The following RASSF1 variants were observed in gnomAD, a reference collection of about 807,000 sequenced individuals.
RASSF1 encodes ras association domain-containing protein 1.
Under a neutral mutation model 34.3 loss-of-function variants are expected in RASSF1, and 33 were observed. The observed-to-expected ratio is 0.96, with a 90% CI of 0.73 to 1.29. The LOEUF is 1.29. RASSF1 is among the 50% of genes most tolerant of loss of function. The pLI is 0.00. For missense variants in RASSF1, 445 were observed against 471.8 expected, an observed-to-expected ratio of 0.94 and a Z score of 0.53; for synonymous variants, 191 against 195.0, an observed-to-expected ratio of 0.98 and a Z score of 0.17.
At position 50,331,568 on chromosome 3, in the gene RASSF1, G is replaced by C; in HGVS notation, c.751C>G (p.His251Asp). The change falls in exon 4 of 6, where the codon CAC (histidine) becomes GAC (aspartate). Residue 251 changes from histidine to aspartate, a missense_variant. Transcript: ENST00000359365. ...KFALFERAER[H>D]GQVYLRKLLD... is the part of the protein sequence containing the mutation. The stretch of plus-strand genomic sequence containing the variant: ...GGGGTGGGAAGCCCACCTTGGCCGT[G>C]ACGCTCAGCGCGCTCAAAGAGTGCA... 1 of 1,589,528 alleles carries C rather than the reference G, an allele frequency of 6.3e-7. No individual in the cohort carries two copies. The highest frequency in any genetic ancestry group is 8.6e-7 in the Non-Finnish European group (1 of 1,160,792).
At position 50,337,183 on chromosome 3, in the gene RASSF1, C is replaced by G. The variant is rs770207835; in HGVS notation, c.357+722G>C. 6.2e-6 allele frequency: 10 copies of G among 1,610,902 alleles called. No individual in the cohort carries two copies. In the East Asian group the frequency reaches 1.8e-4, roughly 29 times the overall value. On this transcript the variant is annotated intron_variant, in intron 2 of 5. Transcript: ENST00000359365. Reference sequence around the variant, plus strand: ...CCCCCTGGCTCCCACCTGGTCCCGGCGCGGCCTGCGAGCTAGCGAGGTTCG... The same window carrying G: ...CCCCCTGGCTCCCACCTGGTCCCGGGGCGGCCTGCGAGCTAGCGAGGTTCG...
At chr3:50,337,587 G>A in intron 2 of RASSF1, 3 of 1,305,340 alleles carry the variant, frequency 2.3e-6, no homozygotes, top group Non-Finnish European at 2.1e-6. Context: ...CACAGGGAAC[G>A]GGGGCGGGTG....
rs1702904759 is a variant in RASSF1 at position 50,330,650 on chromosome 3, C to G, written c.954G>C (p.Gln318His). The G allele has an allele frequency of 1.2e-6, 2 of 1,614,028 alleles. No homozygotes were observed. Among genetic ancestry groups the G allele is most frequent in the African/African-American group, 2.7e-5 (2 of 74,922 alleles). ...LQREEEEHLR[Q>H]ILQKYSYCRQ... ...GGCAATAGGAGTACTTCTGCAGGAT[C>G]TGGCGGAGGTGCTCCTCCTCCTCCC... The change falls in exon 6 of 6, where the codon CAG becomes CAC. Residue 318 changes from glutamine (Q) to histidine (H), a missense_variant. Coordinates refer to ENST00000359365, the MANE Select transcript of RASSF1 (RefSeq NM_007182.5). The surrounding 1 kb of genome is among the most constrained non-coding windows in gnomAD (Gnocchi z 4.5).
Position 50,340,762 on chromosome 3 carries a change from G to C in RASSF1, c.44C>G (p.Pro15Arg). The C allele has an allele frequency of 6.6e-7, 1 of 1,512,646 alleles. No individual in the cohort carries two copies. The highest frequency in any genetic ancestry group is 2.1e-5 in the Admixed American group (1 of 47,732). 93.7% of individuals were successfully genotyped at this position (1,512,646 alleles called of 1,614,324 possible). A position where few individuals can be genotyped will look rare whatever the true frequency, so the allele number is the denominator to read the frequency against. The change falls in exon 1 of 6, where the codon CCC becomes CGC. Residue 15 changes from proline to arginine, a missense_variant. By Grantham distance (103) the Pro-to-Arg change is moderately radical. Coordinates refer to ENST00000359365, the MANE Select transcript of RASSF1 (RefSeq NM_007182.5). Reference sequence around the variant, plus strand: ...GCGGCCCTTCCCAGCGCGCCCAGCGGGTGCCAGCTCCCGCAGCTCAATGAG... The same window carrying C: ...GCGGCCCTTCCCAGCGCGCCCAGCGCGTGCCAGCTCCCGCAGCTCAATGAG... The part of the protein sequence containing the change: ...PELIELRELA[P>R]AGRAGKGRTR...
chr3:50,333,424 C>G (rs1357611526), intron 2 of RASSF1, among the ~76,000 whole-genome samples: 1 of 152,276 alleles, frequency 6.6e-6, no homozygotes, highest in South Asian at 2.1e-4. Flanking sequence ...GGTACACAGG[C>G]AGCTTCCTGG....
At chr3:50,333,048 C>T (rs1221363215) in intron 2 of RASSF1, among the ~76,000 whole-genome samples, 3 of 151,950 alleles carry the variant, frequency 2.0e-5, no homozygotes, top group African/African-American at 4.8e-5. Flanking sequence ...GAACTGAGAT[C>T]GTGCCATCGC....
chr3:50,339,851 G>A (rs1394918829), intron 1 of RASSF1, among the ~76,000 whole-genome samples: 2 of 152,108 alleles, frequency 1.3e-5, no homozygotes, highest in Non-Finnish European at 2.9e-5. Flanking sequence ...CAATAATTTG[G>A]GGAGTTTTTA....
At chr3:50,332,749 G>A (rs1275423385) in intron 2 of RASSF1, among the ~76,000 whole-genome samples, 2 of 152,120 alleles carry the variant, frequency 1.3e-5, no homozygotes, top group African/African-American at 4.8e-5. Context: ...CTATTATCGT[G>A]TCACTGCACT....
At chr3:50,337,193 G>C in intron 2 of RASSF1, 1 of 1,612,062 alleles carries the variant, frequency 6.2e-7, no homozygotes, top group South Asian at 1.1e-5. Context: ...CGCGGCCTGC[G>C]AGCTAGCGAG....
intron 2 of RASSF1, among the ~76,000 whole-genome samples, chr3:50,332,910 C>T (rs988519146): frequency 3.3e-5 from 5 of 152,232 alleles, no homozygotes; most frequent in Admixed American, 2.6e-4. Flanking sequence ...GCCTGACCAA[C>T]ATGGAGAAAC....
At chr3:50,332,365 T>A (rs1275441407) in intron 2 of RASSF1, among the ~76,000 whole-genome samples, 2 of 152,218 alleles carry the variant, frequency 1.3e-5, no homozygotes, top group Non-Finnish European at 2.9e-5. Flanking sequence ...ATTTGGCTTC[T>A]CTCTGCTGCC....
intron 2 of RASSF1, among the ~76,000 whole-genome samples, chr3:50,333,794 T>C (rs1703029208): frequency 6.6e-6 from 1 of 152,090 alleles, no homozygotes; most frequent in East Asian, 1.9e-4. Context: ...GATTTTTAAC[T>C]CGACCACTCA....
At position 50,337,635 on chromosome 3, in the gene RASSF1, C is replaced by G; in HGVS notation, c.357+270G>C. ...CAAGCGCACAAGAGTGGCCTCTGGC[C>G]GGAGGCGAGGGCGGGAAGGTGCGGG... On this transcript the variant is annotated intron_variant, in intron 2 of 5. Coordinates refer to ENST00000359365, the MANE Select transcript of RASSF1 (RefSeq NM_007182.5). 7.9e-6 allele frequency: 8 copies of G among 1,009,692 alleles called. No individual in the cohort carries two copies. In the South Asian group the frequency reaches 1.1e-4, roughly 14 times the overall value. 62.5% of individuals were successfully genotyped at this position (1,009,692 alleles called of 1,614,324 possible).
rs374102598 is a variant in RASSF1 at position 50,331,730 on chromosome 3, T to C, written c.589A>G (p.Ser197Gly). 1 of 1,612,728 alleles carries C rather than the reference T, an allele frequency of 6.2e-7. No homozygotes were observed. Among genetic ancestry groups the C allele is most frequent in the Non-Finnish European group, 8.5e-7 (1 of 1,179,252 alleles). The part of the protein sequence containing the change: ...DARRGPGRGT[S>G]VRRRTSFYLP... ...TAAAAGGAAGTGCGGCGCCTGACAC[T>C]TGTGCCCCGTCCTGGGCCCCGCCGG... Residue 197 changes from serine (S) to glycine (G), a missense_variant, in exon 4 of 6, where the codon AGT (serine) becomes GGT (glycine). Physicochemically the swap from Ser to Gly is moderately conservative, Grantham distance 56 (BLOSUM62 0). Transcript: ENST00000359365.
At position 50,340,795 on chromosome 3, in the gene RASSF1, T is replaced by TC. The variant is rs1703339133; in HGVS notation, c.10dup (p.Glu4GlyfsTer3). ...CTCCCGCAGCTCAATGAGCTCAGGC[T>TC]CCCCCGACATGGCCCGGTTGGGCCC... is the stretch of plus-strand genomic sequence containing the variant. On this transcript the variant is annotated frameshift_variant, in exon 1 of 6. Transcript: ENST00000359365. LOFTEE classifies it high-confidence loss of function. 2 of 1,509,940 alleles carry TC rather than the reference T, an allele frequency of 1.3e-6. No homozygotes were observed. The highest frequency in any genetic ancestry group is 4.2e-5 in the Admixed American group (2 of 47,120). The allele number at this position is 1,509,940 out of a possible 1,614,324, so 93.5% of individuals were successfully genotyped here.
intron 1 of RASSF1, 172 bp from the exon 2 acceptor site, chr3:50,338,183 G>A (rs1703234746): frequency 4.2e-6 from 6 of 1,414,790 alleles, no homozygotes; most frequent in Non-Finnish European, 5.5e-6. Flanking sequence ...CCACCTGGGC[G>A]TCTGGAAACC....
At chr3:50,337,104 A>G (rs1282154639) in intron 2 of RASSF1, 4 of 1,477,874 alleles carry the variant, frequency 2.7e-6, no homozygotes, top group Non-Finnish European at 3.6e-6. Flanking sequence ...GGACGCGGCA[A>G]CGGACCGGGG....
Position 50,337,814 on chromosome 3 carries a change from T to C in RASSF1, c.357+91A>G, listed in dbSNP as rs587602003. ...GGGAAATCGGCAATTAGAACGCTCC[T>C]TGCGCGCGGCACCCAGGCAGCCCTC... is the stretch of plus-strand genomic sequence containing the variant. On this transcript the variant is annotated intron_variant, in intron 2 of 5. Transcript: ENST00000359365. The C allele has an allele frequency of 5.2e-4, 671 of 1,291,180 alleles. 3 individuals carry two copies. The African/African-American group carries it at 9.0e-3, about 17-fold the overall frequency. 80.0% of individuals were successfully genotyped at this position (1,291,180 alleles called of 1,614,324 possible).
At position 50,332,143 on chromosome 3, in the gene RASSF1, C is replaced by T. The variant is rs373963085; in HGVS notation, c.369G>A (p.Val123=). 4 of 1,614,072 alleles carry T rather than the reference C, an allele frequency of 2.5e-6. No individual in the cohort carries two copies. In the African/African-American group the frequency reaches 5.3e-5, roughly 22 times the overall value. The stretch of plus-strand genomic sequence containing the variant: ...GAGAAAGGTCAGGTGTCTCCCACTC[C>T]ACAGGCTCGTCCTGCAAGATGGGCC... ...VERDTNVDEP[V]EWETPDLSQA... is the part of the protein sequence containing the mutation. Residue 123 remains valine, a synonymous_variant, in exon 3 of 6, where the codon GTG becomes GTA. Coordinates refer to ENST00000359365, the MANE Select transcript of RASSF1 (RefSeq NM_007182.5).
Sources: gnomAD v4.1 joint callset for allele counts (sites outside exome capture counted in the v4.1 genomes callset) on GRCh38, gnomAD v4.1.1 for gene constraint, Gnocchi (gnomAD v3.1) non-coding constraint, MANE v1.5 for transcripts, NCBI Gene and HGNC (gene_info 2026-07-23, HGNC 2026-07-21) for gene names.